ME3: variants seen among roughly 807,000 people sequenced by gnomAD.
ME3 encodes NADP-dependent malic enzyme, mitochondrial.
ME3 carries 48 observed loss-of-function variants against 68.9 expected under a neutral mutation model. The ratio of observed to expected loss-of-function variants is 0.70; its 90% CI spans 0.55 to 0.89. The LOEUF is 0.89. Ranked by LOEUF, ME3 falls within the 40% of genes least tolerant of loss-of-function variation. The probability of loss-of-function intolerance (pLI) is 0.00; values close to 1 mark genes in which losing one functional copy is unlikely to be tolerated. For missense variants in ME3, 675 were observed against 797.4 expected, an observed-to-expected ratio of 0.85 and a Z score of 1.85; for synonymous variants, 320 against 318.8, an observed-to-expected ratio of 1.00 and a Z score of -0.04.
At chr11:86,460,477 GATTGA>G (rs1950175901) in intron 8 of ME3, among the ~76,000 whole-genome samples, 1 of 152,214 alleles carries the variant, frequency 6.6e-6, no homozygotes, top group Admixed American at 6.5e-5. Flanking sequence ...GGCTCCCGAG[GATTGA>G]ATTCTATCTA....
At chr11:86,463,005 A>G (rs1451252393) in intron 8 of ME3, among the ~76,000 whole-genome samples, 1 of 152,230 alleles carries the variant, frequency 6.6e-6, no homozygotes, top group Non-Finnish European at 1.5e-5. Context: ...GGCAGAGAGC[A>G]GAAGAAAGAT....
intron 2 of ME3, among the ~76,000 whole-genome samples, chr11:86,648,550 T>G (rs1404805718): frequency 6.6e-6 from 1 of 151,292 alleles, no homozygotes; most frequent in Non-Finnish European, 1.5e-5. Flanking sequence ...AGGGAACTGG[T>G]TCTTTGGAAA....
intron 6 of ME3, 62 bp downstream of exon 6, chr11:86,497,901 C>T: frequency 2.6e-6 from 4 of 1,516,312 alleles, no homozygotes; most frequent in Non-Finnish European, 3.6e-6. Flanking sequence ...CAAACATGCT[C>T]CTCACCCTGT....
At chr11:86,611,462 CTA>C (rs1407304252) in intron 2 of ME3, among the ~76,000 whole-genome samples, 1 of 151,894 alleles carries the variant, frequency 6.6e-6, no homozygotes, top group Non-Finnish European at 1.5e-5. Context: ...AGGTGGGTAA[CTA>C]TGTGAGGTGA....
intron 4 of ME3, among the ~76,000 whole-genome samples, chr11:86,536,021 C>T (rs648798): frequency 0.089 from 13,605 of 152,158 alleles, 807 homozygotes; most frequent in East Asian, 0.26. Context: ...CAGAAAGAGT[C>T]CTGGAGGCAA....
At chr11:86,560,113 T>G (rs1033802279) in intron 2 of ME3, among the ~76,000 whole-genome samples, 1 of 152,230 alleles carries the variant, frequency 6.6e-6, no homozygotes, top group Admixed American at 6.5e-5. Context: ...AACAGTGATA[T>G]GGTTTGTCTC....
intron 2 of ME3, among the ~76,000 whole-genome samples, chr11:86,669,509 G>A (rs1370905221): frequency 3.3e-5 from 5 of 152,212 alleles, no homozygotes; most frequent in South Asian, 2.1e-4. Context: ...GAGGGTGGCA[G>A]GAGAGAGAAT....
chr11:86,564,413 A>C (rs913429815), intron 2 of ME3, among the ~76,000 whole-genome samples: 2 of 150,674 alleles, frequency 1.3e-5, no homozygotes, highest in African/African-American at 4.9e-5. Context: ...CGAACAGCCA[A>C]AATCTTTTTT....
At chr11:86,442,823 T>G in exon 14 of ME3, 1 of 1,609,072 alleles carries the variant, frequency 6.2e-7, no homozygotes, top group Non-Finnish European at 8.5e-7. Flanking sequence ...CCCCTTACTT[T>G]GATGGCAATT....
intron 2 of ME3, among the ~76,000 whole-genome samples, chr11:86,637,742 CA>C: frequency 6.6e-6 from 1 of 152,070 alleles, no homozygotes; most frequent in Admixed American, 6.6e-5. Flanking sequence ...TTACCAATTT[CA>C]TCTGGTAGAG....
chr11:86,612,971 T>C (rs1942697810), intron 2 of ME3, among the ~76,000 whole-genome samples: 1 of 152,220 alleles, frequency 6.6e-6, no homozygotes, highest in Non-Finnish European at 1.5e-5. Context: ...GTTTTAGTCA[T>C]GAAGTCTTTG....
chr11:86,638,089 C>T (rs1034187821), intron 2 of ME3, among the ~76,000 whole-genome samples: 1 of 152,030 alleles, frequency 6.6e-6, no homozygotes, highest in African/African-American at 2.4e-5. Context: ...GCCCCCCAGG[C>T]CTGGCTGTGC....
intron 4 of ME3, among the ~76,000 whole-genome samples, chr11:86,532,372 C>T (rs1955316561): frequency 6.6e-6 from 1 of 152,160 alleles, no homozygotes; most frequent in Non-Finnish European, 1.5e-5. Context: ...AATGGATCTA[C>T]AGATATATAC....
At chr11:86,465,180 A>T (rs1950415771) in exon 8 of ME3, 1 of 1,612,838 alleles carries the variant, frequency 6.2e-7, no homozygotes, top group Non-Finnish European at 8.5e-7. Flanking sequence ...TTCAAATTGG[A>T]TGAGGCAATT....
At chr11:86,655,917 C>T (rs1250415871) in intron 2 of ME3, among the ~76,000 whole-genome samples, 3 of 151,974 alleles carry the variant, frequency 2.0e-5, no homozygotes, top group African/African-American at 7.3e-5. Context: ...AAACAAACAA[C>T]CCCATCAAAA....
intron 6 of ME3, among the ~76,000 whole-genome samples, chr11:86,490,926 A>G (rs1951966939): frequency 6.6e-6 from 1 of 152,184 alleles, no homozygotes; most frequent in Admixed American, 6.5e-5. Context: ...TTTTCAAAAA[A>G]TTTCTCAGTA....
intron 7 of ME3, among the ~76,000 whole-genome samples, chr11:86,474,438 G>T (rs1594098251): frequency 6.6e-6 from 1 of 152,246 alleles, no homozygotes; most frequent in East Asian, 1.9e-4. Context: ...GCTGGGGAGG[G>T]GATGGTGGCT....
chr11:86,480,071 G>A (rs1370589189), intron 7 of ME3, among the ~76,000 whole-genome samples: 1 of 152,120 alleles, frequency 6.6e-6, no homozygotes, highest in Non-Finnish European at 1.5e-5. Flanking sequence ...CACCTGCCTT[G>A]GCCTCCCAAA....
intron 2 of ME3, among the ~76,000 whole-genome samples, chr11:86,564,509 G>A (rs546671749): frequency 1.8e-4 from 27 of 147,888 alleles, no homozygotes; most frequent in African/African-American, 6.4e-4. Flanking sequence ...TAGACATATA[G>A]GTAAATGGAA....
Sources: gnomAD v4.1 joint callset for allele counts (sites outside exome capture counted in the v4.1 genomes callset) on GRCh38, gnomAD v4.1.1 for gene constraint, MANE v1.5 for transcripts, NCBI Gene and HGNC (gene_info 2026-07-23, HGNC 2026-07-21) for gene names.